The following ZCCHC24 variants were observed in gnomAD, a reference collection of about 807,000 sequenced individuals.
ZCCHC24 encodes zinc finger CCHC-type containing 24.
In ZCCHC24, 10 loss-of-function variants were observed where a neutral mutation model predicts 26.2. The ratio of observed to expected loss-of-function variants is 0.38; its 90% CI spans 0.24 to 0.65. The LOEUF (loss-of-function observed/expected upper bound fraction) is 0.65, where lower values mean the gene tolerates loss of function less well. ZCCHC24 is among the 30% of genes least tolerant of loss of function. The probability of loss-of-function intolerance (pLI) is 0.54; values close to 1 mark genes in which losing one functional copy is unlikely to be tolerated. For synonymous variants in ZCCHC24, 144 were observed against 147.1 expected (o/e 0.98, Z 0.15); for missense variants, 243 against 329.1 (o/e 0.74, Z 2.03).
intron 3 of ZCCHC24, among the ~76,000 whole-genome samples, chr10:79,390,392 T>C (rs534813639): frequency 6.6e-6 from 1 of 152,198 alleles, no homozygotes; most frequent in Non-Finnish European, 1.5e-5. Context: ...ATAGAGAGCA[T>C]TCAAAATGTT....
intron 2 of ZCCHC24, among the ~76,000 whole-genome samples, chr10:79,407,707 C>A (rs1252127720): frequency 6.6e-6 from 1 of 152,186 alleles, no homozygotes; most frequent in African/African-American, 2.4e-5. Flanking sequence ...AACTGAGGCA[C>A]AGAGAAGGCA....
chr10:79,393,193 C>T (rs1369399862), intron 3 of ZCCHC24, among the ~76,000 whole-genome samples: 1 of 152,230 alleles, frequency 6.6e-6, no homozygotes, highest in Non-Finnish European at 1.5e-5. Context: ...CACCCACTTA[C>T]ATTTGGGCCA....
rs201141991 is a variant in ZCCHC24, at chr10:79,432,553, C to G, written c.447+5G>C. The G allele has an allele frequency of 6.3e-5, 100 of 1,593,372 alleles. No homozygotes were observed. The highest frequency in any genetic ancestry group is 1.7e-4 in the Middle Eastern group (1 of 5,994). ...AGAGCACCCCCTGGGCCAGGGCTGC[C>G]TTACCTGGGGGCAGTCCTTGATGTA... is the stretch of plus-strand genomic sequence containing the variant. On this transcript the variant is annotated splice_donor_5th_base_variant and intron_variant, in intron 2 of 3. Coordinates refer to ENST00000372336, the MANE Select transcript of ZCCHC24 (RefSeq NM_153367.4).
chr10:79,422,063 G>A (rs979277489), intron 2 of ZCCHC24, among the ~76,000 whole-genome samples: 7 of 152,092 alleles, frequency 4.6e-5, no homozygotes, highest in African/African-American at 7.2e-5. Flanking sequence ...CCTTCCCTTC[G>A]CATGCTCCCT....
chr10:79,413,490 A>T (rs1383705341), intron 2 of ZCCHC24, among the ~76,000 whole-genome samples: 1 of 152,352 alleles, frequency 6.6e-6, no homozygotes. Flanking sequence ...TCCTGGGCCT[A>T]GTGAAATCCG....
At position 79,445,485 on chromosome 10, in the gene ZCCHC24, C is replaced by G. The variant is rs1857354362; in HGVS notation, c.-45G>C. 4 of 1,310,972 alleles carry G rather than the reference C, an allele frequency of 3.1e-6. No homozygotes were observed. The highest frequency in any genetic ancestry group is 3.9e-6 in the Non-Finnish European group (4 of 1,024,978). The allele number at this position is 1,310,972 out of a possible 1,614,324, so 81.2% of individuals were successfully genotyped here. Reference sequence around the variant, plus strand: ...CCCCTCCCCGGCCGCCCGCTCGCGGCCCCCCTCCGCAGCGGAGGGGCGGGC... The same window carrying G: ...CCCCTCCCCGGCCGCCCGCTCGCGGGCCCCCTCCGCAGCGGAGGGGCGGGC... On this transcript the variant is annotated 5_prime_UTR_variant, in exon 1 of 4. Coordinates refer to ENST00000372336, the MANE Select transcript of ZCCHC24 (RefSeq NM_153367.4).
intron 2 of ZCCHC24, among the ~76,000 whole-genome samples, chr10:79,414,673 C>T (rs192758908): frequency 6.6e-6 from 1 of 152,164 alleles, no homozygotes; most frequent in Non-Finnish European, 1.5e-5. Context: ...TGCCAGAGCA[C>T]CCCACCATCT....
chr10:79,436,246 C>T (rs907994344), intron 1 of ZCCHC24, among the ~76,000 whole-genome samples: 1 of 152,234 alleles, frequency 6.6e-6, no homozygotes, highest in Admixed American at 6.5e-5. Context: ...CTTGCTGCCT[C>T]AGCCTGGGAA....
chr10:79,429,586 A>G (rs7092908), intron 2 of ZCCHC24, among the ~76,000 whole-genome samples: 9,080 of 152,212 alleles, frequency 0.06, 384 homozygotes, highest in African/African-American at 0.12. Context: ...GTCTCAAAAA[A>G]ATAAAAAAAA....
At chr10:79,403,396 G>T (rs1198123451) in intron 2 of ZCCHC24, 2 of 985,322 alleles carry the variant, frequency 2.0e-6, no homozygotes, top group Non-Finnish European at 2.4e-6. Context: ...ACTGCTTTAG[G>T]GACCAACCAA....
intron 3 of ZCCHC24, among the ~76,000 whole-genome samples, chr10:79,387,342 G>C (rs959528381): frequency 1.3e-5 from 2 of 152,178 alleles, no homozygotes; most frequent in African/African-American, 4.8e-5. Flanking sequence ...GGGAGTGTGT[G>C]AACTGGACAG....
chr10:79,419,973 C>T (rs1299250026), intron 2 of ZCCHC24, among the ~76,000 whole-genome samples: 1 of 152,010 alleles, frequency 6.6e-6, no homozygotes, highest in Non-Finnish European at 1.5e-5. Context: ...GAAACTGGCC[C>T]TCCTAGGCTC....
rs374603238 is a variant in ZCCHC24 at position 79,390,834 on chromosome 10, G to C, written c.612+3442C>G. Among the ~76,000 whole-genome samples the C allele has an allele frequency of 2.6e-5, 4 of 152,300 alleles. No individual in the cohort carries two copies. The East Asian group carries it at 7.7e-4, about 29-fold the overall frequency. ...GTGGCGGCCAGGAGAGTGGGGAAGT[G>C]GGGGGTTCTCCAGAGACGGAGGCCA... On this transcript the variant is annotated intron_variant, in intron 3 of 3. Transcript: ENST00000372336.
chr10:79,406,179 A>T (rs935348566), intron 2 of ZCCHC24, among the ~76,000 whole-genome samples: 13 of 152,336 alleles, frequency 8.5e-5, no homozygotes, highest in African/African-American at 3.1e-4. Context: ...GAGGAAATAG[A>T]GGCTCAGAGA....
rs115030370 is a variant in ZCCHC24, at chr10:79,426,247, C to T, written c.447+6311G>A. ...TTTCACTGTTGCCCTCCTCAGACCC[C>T]GGGGGCTCCATGGGCAGCTTCAGGA... On this transcript the variant is annotated intron_variant, in intron 2 of 3. Transcript: ENST00000372336. 2.5e-3 allele frequency among the ~76,000 whole-genome samples: 378 copies of T among 152,310 alleles called. 1 individual carries two copies. The highest frequency in any genetic ancestry group is 5.7e-3 in the Admixed American group (87 of 15,298).
intron 1 of ZCCHC24, chr10:79,444,150 C>T (rs1213374109): frequency 6.5e-7 from 1 of 1,545,424 alleles, no homozygotes; most frequent in South Asian, 1.2e-5. Flanking sequence ...GTGTCCTCCC[C>T]CGAACACACC....
intron 2 of ZCCHC24, among the ~76,000 whole-genome samples, chr10:79,430,674 C>T (rs1857111695): frequency 7.0e-6 from 1 of 142,822 alleles, no homozygotes; most frequent in Admixed American, 6.8e-5. Context: ...CACATACACT[C>T]ACACACACAC....
intron 2 of ZCCHC24, among the ~76,000 whole-genome samples, chr10:79,414,359 A>T (rs1403794220): frequency 6.6e-6 from 1 of 152,244 alleles, no homozygotes; most frequent in Non-Finnish European, 1.5e-5. Flanking sequence ...GAACACAGAA[A>T]CACACGGAAG....
At chr10:79,420,517 G>A (rs550919324) in intron 2 of ZCCHC24, among the ~76,000 whole-genome samples, 2 of 152,338 alleles carry the variant, frequency 1.3e-5, no homozygotes, top group South Asian at 4.1e-4. Flanking sequence ...GGTGGCTCAC[G>A]CCTGTAATCC....
Sources: allele counts gnomAD v4.1 joint callset (sites outside exome capture counted in the v4.1 genomes callset), GRCh38; gene constraint gnomAD v4.1.1; transcripts MANE v1.5; gene names NCBI Gene and HGNC (gene_info 2026-07-23, HGNC 2026-07-21).